MFSD11: variants seen among roughly 807,000 people sequenced by gnomAD.
MFSD11 encodes major facilitator superfamily domain containing 11.
Under a neutral mutation model 53.5 loss-of-function variants are expected in MFSD11, and 36 were observed. That is an observed-to-expected ratio of 0.67 (90% CI 0.52 to 0.89). The LOEUF is 0.89. MFSD11 is among the 40% of genes least tolerant of loss of function. The pLI, the probability that MFSD11 is intolerant of heterozygous loss-of-function variation, is 0.00. For synonymous variants in MFSD11, 186 were observed against 184.9 expected, an observed-to-expected ratio of 1.01 and a Z score of -0.05; for missense variants, 530 against 543.9, an observed-to-expected ratio of 0.97 and a Z score of 0.25.
upstream of MFSD11, chr17:76,737,238 C>A: frequency 1.4e-6 from 2 of 1,457,362 alleles, no homozygotes; most frequent in Non-Finnish European, 1.8e-6. Flanking sequence ...CCGCGCCTCT[C>A]AGGCAGTTGC....
chr17:76,774,012 G>C (rs1260465107), intron 10 of MFSD11, among the ~76,000 whole-genome samples: 1 of 151,482 alleles, frequency 6.6e-6, no homozygotes, highest in Non-Finnish European at 1.5e-5. Context: ...TGCAACATCT[G>C]CCCCCTGGGT....
downstream of MFSD11, among the ~76,000 whole-genome samples, chr17:76,783,455 C>T (rs1015009879): frequency 6.0e-4 from 91 of 152,298 alleles, no homozygotes; most frequent in African/African-American, 2.0e-3. Context: ...CCAACTTGAA[C>T]GCCTTTAAAC....
chr17:76,794,565 C>T, the MFSD11 span, among the ~76,000 whole-genome samples: 10 of 137,272 alleles, frequency 7.3e-5, 1 homozygote, highest in African/African-American at 2.8e-4. Context: ...TCACTTGAAC[C>T]TGGTAAGCAG....
chr17:76,748,966 G>A (rs2078797631), intron 7 of MFSD11, among the ~76,000 whole-genome samples: 1 of 151,300 alleles, frequency 6.6e-6, no homozygotes, highest in South Asian at 2.1e-4. Flanking sequence ...GATATTCCAA[G>A]CATTGTGCTA....
chr17:76,746,978 G>A (rs549403083), intron 7 of MFSD11, among the ~76,000 whole-genome samples: 2 of 151,112 alleles, frequency 1.3e-5, no homozygotes, highest in South Asian at 2.1e-4. Flanking sequence ...GCGGGATCTC[G>A]GCTCACTGCA....
the MFSD11 span, among the ~76,000 whole-genome samples, chr17:76,790,343 C>CTT: frequency 4.6e-3 from 566 of 121,942 alleles, 23 homozygotes; most frequent in African/African-American, 0.017. Flanking sequence ...ATATTTCTTT[C>CTT]TTTCTTTTTT....
In MFSD11 at chr17:76,738,257, C is replaced by T. The variant is rs755038695; in HGVS notation, c.-96C>T. On this transcript the variant is annotated 5_prime_UTR_variant, in exon 1 of 13. Transcript: ENST00000685175. ...CTGGCTCCTGCATCTGCCTTCTCCA[C>T]TCACCATCTCATTTCTTTCTCCAGG... 3.8e-6 allele frequency: 3 copies of T among 785,926 alleles called. No homozygotes were observed. The highest frequency in any genetic ancestry group is 4.6e-5 in the Admixed American group (2 of 43,620). The allele number at this position is 785,926 out of a possible 1,614,324, so 48.7% of individuals were successfully genotyped here. A position where few individuals can be genotyped will look rare whatever the true frequency, so the allele number is the denominator to read the frequency against.
At chr17:76,766,378 CACTCT>C (rs1433605334) in intron 8 of MFSD11, among the ~76,000 whole-genome samples, 5 of 146,494 alleles carry the variant, frequency 3.4e-5, no homozygotes, top group Admixed American at 2.8e-4. Flanking sequence ...AAGATCGCGC[CACTCT>C]ACTCCAGCCT....
chr17:76,790,807 G>T, the MFSD11 span, among the ~76,000 whole-genome samples: 7 of 134,974 alleles, frequency 5.2e-5, no homozygotes, highest in East Asian at 1.4e-3. Context: ...GGGCGTGGTG[G>T]CACACACCTT....
At chr17:76,761,845 C>A (rs2080274126) in intron 8 of MFSD11, among the ~76,000 whole-genome samples, 1 of 151,106 alleles carries the variant, frequency 6.6e-6, no homozygotes, top group African/African-American at 2.4e-5. Flanking sequence ...GGCGTGAACC[C>A]AGGAGGCGGA....
At chr17:76,736,776 G>A (rs766578856), upstream of MFSD11, 23 of 1,413,510 alleles carry the variant, frequency 1.6e-5, no homozygotes, top group Middle Eastern at 2.4e-4. Flanking sequence ...CCCGCCTCCC[G>A]CGGTCCCCTC....
chr17:76,751,307 G>A (rs977875278), intron 7 of MFSD11, among the ~76,000 whole-genome samples: 14 of 150,960 alleles, frequency 9.3e-5, no homozygotes, highest in Middle Eastern at 3.4e-3. Flanking sequence ...GGAGAATGGC[G>A]TGAACCTGGG....
chr17:76,737,205 C>T (rs1473094424), upstream of MFSD11: 3 of 1,504,170 alleles, frequency 2.0e-6, no homozygotes, highest in East Asian at 2.4e-5. Context: ...GCGCCGGCTT[C>T]CTCAGCTCTG....
At chr17:76,802,359 A>G in the MFSD11 span, among the ~76,000 whole-genome samples, 1 of 152,220 alleles carries the variant, frequency 6.6e-6, no homozygotes, top group Non-Finnish European at 1.5e-5. Context: ...ACCCTCACAT[A>G]TGGCTAACAA....
Position 76,738,343 on chromosome 17 carries a change from C to G in MFSD11, c.-10C>G. The G allele has an allele frequency of 6.2e-7, 1 of 1,610,846 alleles. No individual in the cohort carries two copies. The highest frequency in any genetic ancestry group is 8.5e-7 in the Non-Finnish European group (1 of 1,177,104). ...CCCTGGGCTGCTGCCTCCGGCAGAG[C>G]TGAGCCAAAATGTCCCCGGAATCTA... is the stretch of plus-strand genomic sequence containing the variant. On this transcript the variant is annotated 5_prime_UTR_variant, in exon 1 of 13. Coordinates refer to ENST00000685175, the MANE Select transcript of MFSD11 (RefSeq NM_001242532.5).
At chr17:76,737,172 G>C, upstream of MFSD11, 5 of 1,540,220 alleles carry the variant, frequency 3.2e-6, no homozygotes, top group Non-Finnish European at 4.4e-6. Flanking sequence ...GCTCTGAGTG[G>C]CGGCCCGGAG....
At chr17:76,753,700 AAAAG>A (rs57390338) in intron 7 of MFSD11, among the ~76,000 whole-genome samples, 12 of 150,536 alleles carry the variant, frequency 8.0e-5, no homozygotes, top group Middle Eastern at 3.4e-3. Context: ...AAAAAAAAAA[AAAAG>A]AAAGAAAGAA....
chr17:76,775,282 A>C (rs1045300620), intron 11 of MFSD11, 111 bp downstream of exon 11: 1 of 911,842 alleles, frequency 1.1e-6, no homozygotes, highest in Non-Finnish European at 1.6e-6. Context: ...GTGTCTCTCT[A>C]AGGTCATCTG....
chr17:76,772,386 C>G lies in MFSD11; in HGVS notation c.874+2515C>G, dbSNP rs368735343. On this transcript the variant is annotated intron_variant, in intron 10 of 12. Transcript: ENST00000685175. ...CTGCACTCCAGCCTGGGCCACAGAG[C>G]AAGATTCTGTCTCAAAAAAACCAAA... Among the ~76,000 whole-genome samples the G allele has an allele frequency of 2.6e-5, 4 of 151,458 alleles. No homozygotes were observed. In the East Asian group the frequency reaches 5.9e-4, roughly 22 times the overall value.
Sources: gnomAD v4.1 joint callset for allele counts (sites outside exome capture counted in the v4.1 genomes callset) on GRCh38, gnomAD v4.1.1 for gene constraint, MANE v1.5 for transcripts, NCBI Gene and HGNC (gene_info 2026-07-23, HGNC 2026-07-21) for gene names.